The following FHIT variants were observed in gnomAD, a reference collection of about 807,000 sequenced individuals.
FHIT encodes the protein fragile histidine triad diadenosine triphosphatase.
Under a neutral mutation model 17.9 loss-of-function variants are expected in FHIT, and 19 were observed. That is an observed-to-expected ratio of 1.06 (90% CI 0.74 to 1.56). The LOEUF is 1.56. Ranked by LOEUF, FHIT falls within the 40% of genes most tolerant of loss-of-function variation. The pLI is 0.00. For synonymous variants in FHIT, 81 were observed against 69.7 expected, an observed-to-expected ratio of 1.16 and a Z score of -0.81; for missense variants, 248 against 189.2, an observed-to-expected ratio of 1.31 and a Z score of -1.82.
intron 4 of FHIT, among the ~76,000 whole-genome samples, chr3:60,757,090 T>C (rs1575486096): frequency 6.6e-6 from 1 of 152,202 alleles, no homozygotes; most frequent in Non-Finnish European, 1.5e-5. Context: ...TTAGTAAGTA[T>C]ATTTTATTCA....
chr3:60,117,212 C>T lies in FHIT; in HGVS notation c.104-103060G>A, dbSNP rs1480817095. ...TTCCAGAAGGGAATGATTATTTCTTCCCCGGCCTGGGAGCCCTACAAGCCG... is the reference window on the plus strand; with the variant it reads ...TTCCAGAAGGGAATGATTATTTCTTTCCCGGCCTGGGAGCCCTACAAGCCG... On this transcript the variant is annotated intron_variant, in intron 5 of 9. Coordinates refer to ENST00000492590, the MANE Select transcript of FHIT (RefSeq NM_002012.4). Among the ~76,000 whole-genome samples, 4 of 133,932 alleles carry T rather than the reference C, an allele frequency of 3.0e-5. 1 individual carries two copies. The South Asian group carries it at 1.0e-3, about 34-fold the overall frequency. 87.9% of individuals were successfully genotyped at this position (133,932 alleles called of 152,430 possible).
chr3:60,766,084 C>T (rs574352532), intron 4 of FHIT, among the ~76,000 whole-genome samples: 2 of 152,292 alleles, frequency 1.3e-5, no homozygotes, highest in Middle Eastern at 3.4e-3. Flanking sequence ...TATCCTGGGA[C>T]TTTGCCTTGT....
intron 2 of FHIT, among the ~76,000 whole-genome samples, chr3:61,053,674 A>T (rs2034111048): frequency 1.3e-5 from 2 of 151,254 alleles, no homozygotes; most frequent in African/African-American, 4.8e-5. Context: ...GAAAAAAAAA[A>T]TTGTGTTTAA....
intron 3 of FHIT, among the ~76,000 whole-genome samples, chr3:60,928,122 G>C (rs1707748941): frequency 6.6e-6 from 1 of 151,990 alleles, no homozygotes; most frequent in African/African-American, 2.4e-5. Context: ...TGCTCGTTAA[G>C]AGTCATCACC....
chr3:60,023,830 A>G (rs1341742485), intron 5 of FHIT, among the ~76,000 whole-genome samples: 2 of 152,190 alleles, frequency 1.3e-5, no homozygotes, highest in African/African-American at 4.8e-5. Flanking sequence ...GAAAAAATAA[A>G]TGTCATGTAG....
chr3:61,028,881 C>T lies in FHIT; in HGVS notation c.-111+13166G>A, dbSNP rs1575866761. On this transcript the variant is annotated intron_variant, in intron 3 of 9. Coordinates refer to ENST00000492590, the MANE Select transcript of FHIT (RefSeq NM_002012.4). ...GGCAGAAGGAAGAAAATAAGCACCC[C>T]CCACCAACAAAAAAAAAAAGAAAAA... Among the ~76,000 whole-genome samples the T allele has an allele frequency of 2.7e-5, 4 of 150,100 alleles. No individual in the cohort carries two copies. In the South Asian group the frequency reaches 8.4e-4, roughly 32 times the overall value.
At chr3:59,759,309 A>G (rs921623423) in intron 8 of FHIT, among the ~76,000 whole-genome samples, 2 of 152,148 alleles carry the variant, frequency 1.3e-5, no homozygotes, top group Admixed American at 6.6e-5. Flanking sequence ...GGACTAGAAT[A>G]ATTGCTCATA....
chr3:60,921,442 G>T (rs1214118764), intron 3 of FHIT, among the ~76,000 whole-genome samples: 1 of 152,050 alleles, frequency 6.6e-6, no homozygotes, highest in Admixed American at 6.6e-5. Flanking sequence ...ACTTAAGGAG[G>T]GTTCGAATGG....
chr3:60,736,848 T>G (rs1156841501), intron 4 of FHIT, among the ~76,000 whole-genome samples: 1 of 152,222 alleles, frequency 6.6e-6, no homozygotes, highest in South Asian at 2.1e-4. Flanking sequence ...CCTATTCTGA[T>G]TCTCACAAAT....
intron 5 of FHIT, among the ~76,000 whole-genome samples, chr3:60,169,868 T>C (rs1391863429): frequency 6.6e-6 from 1 of 152,056 alleles, no homozygotes; most frequent in African/African-American, 2.4e-5. Context: ...AGAATAAAAA[T>C]GGAAGCAAAG....
chr3:61,189,423 G>T (rs983076750), intron 2 of FHIT, among the ~76,000 whole-genome samples: 3 of 152,170 alleles, frequency 2.0e-5, no homozygotes, highest in Non-Finnish European at 4.4e-5. Flanking sequence ...ACTGCTCAGT[G>T]AAATAAAAGA....
chr3:60,095,720 G>T (rs1424569419), intron 5 of FHIT, among the ~76,000 whole-genome samples: 2 of 152,138 alleles, frequency 1.3e-5, no homozygotes, highest in Non-Finnish European at 2.9e-5. Flanking sequence ...ACATAAATCA[G>T]ATCTCTCACA....
intron 2 of FHIT, among the ~76,000 whole-genome samples, chr3:61,100,643 T>C (rs1030485938): frequency 4.4e-4 from 67 of 152,324 alleles, no homozygotes; most frequent in African/African-American, 1.6e-3. Flanking sequence ...CACACTGTCT[T>C]CCACATTGGT....
chr3:61,061,800 A>G lies in FHIT; in HGVS notation c.-163-19701T>C, dbSNP rs541672711. ...CACGTTATTGCAAAACATGTATAAAAGCATATAAATCAAAGATTACATTTT... is the reference window on the plus strand; with the variant it reads ...CACGTTATTGCAAAACATGTATAAAGGCATATAAATCAAAGATTACATTTT... On this transcript the variant is annotated intron_variant, in intron 2 of 9. Coordinates refer to ENST00000492590, the MANE Select transcript of FHIT (RefSeq NM_002012.4). 2.6e-5 allele frequency among the ~76,000 whole-genome samples: 4 copies of G among 152,334 alleles called. No individual in the cohort carries two copies. The South Asian group carries it at 8.3e-4, about 32-fold the overall frequency.
chr3:60,713,278 G>A lies in FHIT; in HGVS notation c.-18+108641C>T, dbSNP rs1167827412. Among the ~76,000 whole-genome samples the A allele has an allele frequency of 2.0e-5, 3 of 150,668 alleles. No individual in the cohort carries two copies. The East Asian group carries it at 5.9e-4, about 30-fold the overall frequency. On this transcript the variant is annotated intron_variant, in intron 4 of 9. Transcript: ENST00000492590. Reference sequence around the variant, plus strand: ...GAATCTCTGGGACACATTCAAAGCAGTGTGTAGAGGGAAATTTATAGCACT... The same window carrying A: ...GAATCTCTGGGACACATTCAAAGCAATGTGTAGAGGGAAATTTATAGCACT...
At chr3:59,834,543 G>T (rs1273389246) in intron 8 of FHIT, among the ~76,000 whole-genome samples, 1 of 152,144 alleles carries the variant, frequency 6.6e-6, no homozygotes, top group East Asian at 1.9e-4. Flanking sequence ...AGATCAGAGT[G>T]CTAGTATGGT....
At chr3:60,000,782 T>C (rs1007024090) in intron 7 of FHIT, among the ~76,000 whole-genome samples, 16 of 152,132 alleles carry the variant, frequency 1.1e-4, no homozygotes, top group African/African-American at 3.9e-4. Context: ...ATCAAATATA[T>C]TTAAAATTGA....
rs201797361 is a variant in FHIT at position 61,059,372 on chromosome 3, CTTTTTTT to C, written c.-163-17280_-163-17274del. 8.3e-3 allele frequency among the ~76,000 whole-genome samples: 945 copies of C among 113,286 alleles called. 10 individuals are homozygous for C. Among genetic ancestry groups the C allele is most frequent in the Middle Eastern group, 0.026 (5 of 196 alleles). 74.3% of individuals were successfully genotyped at this position (113,286 alleles called of 152,430 possible). A position where few individuals can be genotyped will look rare whatever the true frequency, so the allele number is the denominator to read the frequency against. ...TGTGGCTTTTTTTCTTTGCTTTTTCCTTTTTTTTTTTTTTTTTTTTTTTGCCAGAAAG... is the reference window on the plus strand; with the variant it reads ...TGTGGCTTTTTTTCTTTGCTTTTTCCTTTTTTTTTTTTTTTTGCCAGAAAG... On this transcript the variant is annotated intron_variant, in intron 2 of 9. Coordinates refer to ENST00000492590, the MANE Select transcript of FHIT (RefSeq NM_002012.4).
At chr3:60,343,446 T>C (rs1316071348) in intron 5 of FHIT, among the ~76,000 whole-genome samples, 2 of 152,118 alleles carry the variant, frequency 1.3e-5, no homozygotes, top group African/African-American at 4.8e-5. Flanking sequence ...ATTCACTCCG[T>C]TGTTTGATTA....
Sources: allele counts gnomAD v4.1 joint callset (sites outside exome capture counted in the v4.1 genomes callset), GRCh38; gene constraint gnomAD v4.1.1; transcripts MANE v1.5; gene names NCBI Gene and HGNC (gene_info 2026-07-23, HGNC 2026-07-21).